MICU2: variants seen among roughly 807,000 people sequenced by gnomAD.
MICU2 encodes the protein calcium uptake protein 2, mitochondrial.
Under a neutral mutation model 60.4 loss-of-function variants are expected in MICU2, and 64 were observed. The ratio of observed to expected loss-of-function variants is 1.06; its 90% CI spans 0.87 to 1.31. The LOEUF (loss-of-function observed/expected upper bound fraction) is 1.31. MICU2 is among the 50% of genes most tolerant of loss of function. The pLI is 0.00. For missense variants in MICU2, 569 were observed against 531.0 expected, an observed-to-expected ratio of 1.07 and a Z score of -0.70; for synonymous variants, 201 against 175.0, an observed-to-expected ratio of 1.15 and a Z score of -1.17.
At chr13:21,572,953 A>AAG (rs3070199) in intron 1 of MICU2, among the ~76,000 whole-genome samples, 1 of 151,736 alleles carries the variant, frequency 6.6e-6, no homozygotes, top group Non-Finnish European at 1.5e-5. Context: ...CAAAAAAAAA[A>AAG]TGTTTTCCTG....
chr13:21,507,233 T>C (rs978407832), intron 8 of MICU2, among the ~76,000 whole-genome samples: 7 of 152,120 alleles, frequency 4.6e-5, no homozygotes, highest in Admixed American at 1.3e-4. Context: ...TTTAAAAAAA[T>C]TTAAAGTAAG....
chr13:21,501,448 G>C (rs1886155221), intron 9 of MICU2, among the ~76,000 whole-genome samples: 1 of 152,074 alleles, frequency 6.6e-6, no homozygotes, highest in Non-Finnish European at 1.5e-5. Flanking sequence ...ATTTTTAGTA[G>C]AGACGTGGTT....
intron 7 of MICU2, among the ~76,000 whole-genome samples, chr13:21,514,059 G>T (rs893729711): frequency 2.0e-5 from 3 of 152,162 alleles, no homozygotes; most frequent in Non-Finnish European, 4.4e-5. Flanking sequence ...ATACAGTCAT[G>T]TATTGCTGAG....
intron 1 of MICU2, among the ~76,000 whole-genome samples, chr13:21,571,081 C>T (rs1312708427): frequency 6.6e-6 from 1 of 152,044 alleles, no homozygotes; most frequent in Non-Finnish European, 1.5e-5. Flanking sequence ...TCTCTTCCCT[C>T]TTAGGTTTCA....
At chr13:21,590,384 A>G (rs1435313489) in intron 1 of MICU2, among the ~76,000 whole-genome samples, 1 of 152,258 alleles carries the variant, frequency 6.6e-6, no homozygotes, top group Non-Finnish European at 1.5e-5. Context: ...TTTCCAGACA[A>G]GCAAATGATG....
chr13:21,596,678 C>T (rs1212242682), intron 1 of MICU2, among the ~76,000 whole-genome samples: 1 of 152,168 alleles, frequency 6.6e-6, no homozygotes, highest in Admixed American at 6.5e-5. Flanking sequence ...CCCGCCTCGG[C>T]CTCCCAAAGT....
At chr13:21,495,571 C>T (rs146691020) in intron 10 of MICU2, 111 of 347,458 alleles carry the variant, frequency 3.2e-4, no homozygotes, top group Non-Finnish European at 4.8e-4. Flanking sequence ...GAATCTTGCT[C>T]GTCGCCCAGG....
At chr13:21,576,390 T>C (rs1433575746) in intron 1 of MICU2, among the ~76,000 whole-genome samples, 2 of 152,160 alleles carry the variant, frequency 1.3e-5, no homozygotes, top group Non-Finnish European at 2.9e-5. Flanking sequence ...AACTGAGAAC[T>C]TCAAGTAAGT....
At chr13:21,528,354 G>A (rs1886906181) in intron 4 of MICU2, among the ~76,000 whole-genome samples, 2 of 152,072 alleles carry the variant, frequency 1.3e-5, no homozygotes, top group African/African-American at 4.8e-5. Context: ...TGTATCTTCT[G>A]AATCTTTTAT....
intron 2 of MICU2, among the ~76,000 whole-genome samples, chr13:21,564,656 C>T (rs780544828): frequency 6.6e-6 from 1 of 152,244 alleles, no homozygotes; most frequent in South Asian, 2.1e-4. Flanking sequence ...GAATTTCCAT[C>T]CCCCTAGGGT....
rs932286536 is a variant in MICU2 at position 21,531,045 on chromosome 13, C to T, written c.466+8257G>A. 7.5e-6 allele frequency: 7 copies of T among 939,398 alleles called. No homozygotes were observed. The African/African-American group carries it at 8.1e-5, about 11-fold the overall frequency. The allele number at this position is 939,398 out of a possible 1,614,324, so 58.2% of individuals were successfully genotyped here. On this transcript the variant is annotated intron_variant, in intron 4 of 11. Transcript: ENST00000382374. The stretch of plus-strand genomic sequence containing the variant: ...CTATTTGAAAGGGATTTTGCAGGAT[C>T]GTGGTCTTTCCAAATATCCTAATCT...
intron 2 of MICU2, among the ~76,000 whole-genome samples, chr13:21,566,276 GCA>G (rs1887980026): frequency 1.3e-5 from 2 of 152,162 alleles, no homozygotes; most frequent in South Asian, 4.1e-4. Context: ...TTCAATATGG[GCA>G]CAGAGGATGG....
rs1281026132 is a variant in MICU2 at position 21,535,331 on chromosome 13, C to T, written c.466+3971G>A. Among the ~76,000 whole-genome samples the T allele has an allele frequency of 2.6e-5, 4 of 152,022 alleles. No individual in the cohort carries two copies. The East Asian group carries it at 7.7e-4, about 29-fold the overall frequency. ...AGCCTTCCTTACTTCAGGAAAAAAA[C>T]ATCAAATAATCATAAGATAACTCAG... On this transcript the variant is annotated intron_variant, in intron 4 of 11. Coordinates refer to ENST00000382374, the MANE Select transcript of MICU2 (RefSeq NM_152726.3).
At chr13:21,526,210 TC>T (rs1164130525) in intron 4 of MICU2, among the ~76,000 whole-genome samples, 1 of 145,686 alleles carries the variant, frequency 6.9e-6, no homozygotes, top group African/African-American at 2.5e-5. Context: ...TGCCTCAGCC[TC>T]CCAAAGTGCT....
chr13:21,586,401 CT>C, intron 1 of MICU2, among the ~76,000 whole-genome samples: 1 of 152,132 alleles, frequency 6.6e-6, no homozygotes, highest in Non-Finnish European at 1.5e-5. Context: ...AACTTTTCTA[CT>C]TGTGTTTTTT....
Position 21,579,792 on chromosome 13 carries a change from T to C in MICU2, c.211-12848A>G, listed in dbSNP as rs188846996. ...CATGGTCTCAAAAAAATATTAAATA[T>C]ATAATCCAATAAAATACATCATTAA... On this transcript the variant is annotated intron_variant, in intron 1 of 11. Transcript: ENST00000382374. Among the ~76,000 whole-genome samples, 188 of 152,266 alleles carry C rather than the reference T, an allele frequency of 1.2e-3. 1 individual carries two copies. Among genetic ancestry groups the C allele is most frequent in the African/African-American group, 4.4e-3 (181 of 41,550 alleles).
chr13:21,501,032 T>C (rs1387361524), intron 9 of MICU2, among the ~76,000 whole-genome samples: 3 of 152,186 alleles, frequency 2.0e-5, no homozygotes, highest in African/African-American at 7.2e-5. Flanking sequence ...GAGTAATGAA[T>C]GGTGTAAAGA....
intron 1 of MICU2, among the ~76,000 whole-genome samples, chr13:21,581,158 A>C (rs1162142702): frequency 1.3e-5 from 2 of 152,212 alleles, no homozygotes; most frequent in African/African-American, 4.8e-5. Context: ...CTAGGAAGAG[A>C]CAAGGATGTA....
intron 1 of MICU2, among the ~76,000 whole-genome samples, chr13:21,572,127 T>C (rs1888125096): frequency 6.6e-6 from 1 of 152,186 alleles, no homozygotes; most frequent in Admixed American, 6.5e-5. Flanking sequence ...AATACACTAA[T>C]GGTAGAAGGG....
Sources: allele counts gnomAD v4.1 joint callset (sites outside exome capture counted in the v4.1 genomes callset), GRCh38; gene constraint gnomAD v4.1.1; transcripts MANE v1.5; gene names NCBI Gene and HGNC (gene_info 2026-07-23, HGNC 2026-07-21).